The following LARGE1 variants were observed in gnomAD, a reference collection of about 807,000 sequenced individuals.
LARGE1 encodes LARGE xylosyl- and glucuronyltransferase 1.
LARGE1 carries 43 observed loss-of-function variants against 87.6 expected under a neutral mutation model. The ratio of observed to expected loss-of-function variants is 0.49; its 90% CI spans 0.38 to 0.63. The LOEUF is 0.63. Ranked by LOEUF, LARGE1 falls within the 30% of genes least tolerant of loss-of-function variation. LARGE1 has a pLI of 0.00. For missense variants in LARGE1, 802 were observed against 1,000.2 expected, an observed-to-expected ratio of 0.80 and a Z score of 2.67; for synonymous variants, 434 against 394.6, an observed-to-expected ratio of 1.10 and a Z score of -1.18.
chr22:33,752,819 C>G (rs1459821620), intron 2 of LARGE1, among the ~76,000 whole-genome samples: 1 of 152,212 alleles, frequency 6.6e-6, no homozygotes, highest in African/African-American at 2.4e-5. Context: ...ATCCCCATGG[C>G]CAATGAATAT....
In LARGE1 at chr22:33,607,321, C is replaced by T. The variant is rs140971483; in HGVS notation, c.492-2763G>A. Among the ~76,000 whole-genome samples, 1,368 of 151,994 alleles carry T rather than the reference C, an allele frequency of 9.0e-3. 21 individuals are homozygous for T. Among genetic ancestry groups the T allele is most frequent in the African/African-American group, 0.031 (1,272 of 41,452 alleles). ...TACTAAAAATACAAAATTAGCCAGG[C>T]GTGGTGGCAGATGCCTGTAATTCCA... On this transcript the variant is annotated intron_variant, in intron 4 of 14. Coordinates refer to ENST00000397394, the MANE Select transcript of LARGE1 (RefSeq NM_133642.5).
At chr22:33,921,276 G>A (rs1170969554), upstream of LARGE1, among the ~76,000 whole-genome samples, 16 of 152,294 alleles carry the variant, frequency 1.1e-4, no homozygotes, top group East Asian at 3.1e-3. The surrounding 1 kb of genome is among the most constrained non-coding windows in gnomAD (Gnocchi z 4.1). Context: ...CCCGGGCCGG[G>A]TCGGGATGAA....
At chr22:33,215,786 T>C (rs1041807777) in intron 11 of LARGE1, among the ~76,000 whole-genome samples, 1 of 152,134 alleles carries the variant, frequency 6.6e-6, no homozygotes, top group Non-Finnish European at 1.5e-5. Flanking sequence ...CGAAATCCCG[T>C]CTCTACTAAA....
chr22:33,285,857 G>C (rs1931434195), intron 12 of LARGE1, among the ~76,000 whole-genome samples: 1 of 152,170 alleles, frequency 6.6e-6, no homozygotes, highest in South Asian at 2.1e-4. Context: ...ATTGAATAAT[G>C]AGGGGGAACC....
intron 1 of LARGE1, among the ~76,000 whole-genome samples, chr22:33,883,733 GC>G (rs2064765697): frequency 4.6e-5 from 7 of 152,156 alleles, no homozygotes; most frequent in Admixed American, 4.6e-4. Context: ...TCCCCAGAAA[GC>G]CCCATGACTC....
intron 11 of LARGE1, among the ~76,000 whole-genome samples, chr22:33,224,136 G>A (rs1448881888): frequency 6.6e-6 from 1 of 152,108 alleles, no homozygotes; most frequent in Non-Finnish European, 1.5e-5. Flanking sequence ...CGTGGTGGTG[G>A]GCACCTGTTG....
chr22:33,312,779 C>T, intron 11 of LARGE1, among the ~76,000 whole-genome samples: 1 of 152,174 alleles, frequency 6.6e-6, no homozygotes, highest in Non-Finnish European at 1.5e-5. Flanking sequence ...GGGACAGATG[C>T]AGTTGAAAGA....
chr22:33,410,924 G>A lies in LARGE1; in HGVS notation c.892+21237C>T, dbSNP rs118129004. Among the ~76,000 whole-genome samples the A allele has an allele frequency of 7.2e-3, 1,093 of 152,268 alleles. 6 individuals are homozygous for A. The highest frequency in any genetic ancestry group is 0.014 in the Admixed American group (207 of 15,296). ...AGCAATTAGTACTGTGAACCTGAGA[G>A]GCCCCAGAGAAATCAAGTGCCTCTT... On this transcript the variant is annotated intron_variant, in intron 7 of 14. Coordinates refer to ENST00000397394, the MANE Select transcript of LARGE1 (RefSeq NM_133642.5).
At chr22:33,824,651 C>G (rs2062730200) in intron 1 of LARGE1, among the ~76,000 whole-genome samples, 1 of 151,912 alleles carries the variant, frequency 6.6e-6, no homozygotes, top group South Asian at 2.1e-4. Flanking sequence ...ATGACCCCCA[C>G]TCTACACACG....
At position 33,394,257 on chromosome 22, in the gene LARGE1, G is replaced by A. The variant is rs140041725; in HGVS notation, c.893-9953C>T. 2.6e-3 allele frequency among the ~76,000 whole-genome samples: 393 copies of A among 149,270 alleles called. 6 individuals carry two copies. In the South Asian group the frequency reaches 0.031, roughly 12 times the overall value. On this transcript the variant is annotated intron_variant, in intron 7 of 14. Coordinates refer to ENST00000397394, the MANE Select transcript of LARGE1 (RefSeq NM_133642.5). ...TCTGTCACCCAGGCTGTAGTGCAGT[G>A]GCACAATCTCGGCTCACTGCAACCT... is the stretch of plus-strand genomic sequence containing the variant.
At chr22:33,314,939 G>C (rs1935992253) in intron 11 of LARGE1, among the ~76,000 whole-genome samples, 1 of 152,186 alleles carries the variant, frequency 6.6e-6, no homozygotes, top group African/African-American at 2.4e-5. Flanking sequence ...GATAGGTGCA[G>C]GGGCTCACAC....
At chr22:33,376,247 A>G (rs1449679734) in intron 9 of LARGE1, among the ~76,000 whole-genome samples, 1 of 152,256 alleles carries the variant, frequency 6.6e-6, no homozygotes, top group Non-Finnish European at 1.5e-5. Flanking sequence ...TACACCTGTT[A>G]TTAGATGATA....
At chr22:33,348,263 T>TC (rs1939982561) in intron 9 of LARGE1, among the ~76,000 whole-genome samples, 2 of 120,662 alleles carry the variant, frequency 1.7e-5, no homozygotes, top group African/African-American at 3.2e-5. Context: ...TGAGACTCTG[T>TC]CCCCGCTCCC....
intron 11 of LARGE1, among the ~76,000 whole-genome samples, chr22:33,177,415 T>TAACA (rs1922935012): frequency 6.6e-6 from 1 of 152,214 alleles, no homozygotes; most frequent in Admixed American, 6.5e-5. Context: ...ATTATTCATT[T>TAACA]AACAAACATG....
chr22:33,122,884 G>A, the LARGE1 span, among the ~76,000 whole-genome samples: 1 of 152,140 alleles, frequency 6.6e-6, no homozygotes, highest in Non-Finnish European at 1.5e-5. Context: ...ACGGACACAG[G>A]TTTGATTTGA....
At chr22:33,203,589 G>A (rs554918411) in intron 11 of LARGE1, among the ~76,000 whole-genome samples, 1 of 152,286 alleles carries the variant, frequency 6.6e-6, no homozygotes, top group Admixed American at 6.5e-5. Flanking sequence ...TGTTTATAGT[G>A]AGGGGAGAGG....
At chr22:33,613,101 C>T (rs1020395848) in intron 4 of LARGE1, among the ~76,000 whole-genome samples, 10 of 152,112 alleles carry the variant, frequency 6.6e-5, no homozygotes, top group African/African-American at 2.4e-4. Flanking sequence ...ACACATGAGC[C>T]CCTCAGCCCA....
At chr22:33,115,594 A>G in the LARGE1 span, among the ~76,000 whole-genome samples, 5 of 151,844 alleles carry the variant, frequency 3.3e-5, no homozygotes, top group Admixed American at 6.6e-5. Context: ...AAGGCGGGGG[A>G]ATCACGAAGT....
At chr22:33,392,799 T>C (rs948946975) in intron 7 of LARGE1, among the ~76,000 whole-genome samples, 1 of 152,226 alleles carries the variant, frequency 6.6e-6, no homozygotes, top group Non-Finnish European at 1.5e-5. Flanking sequence ...ATAATTAATG[T>C]CCAAACCTAG....
Sources: allele counts gnomAD v4.1 joint callset (sites outside exome capture counted in the v4.1 genomes callset), GRCh38; gene constraint gnomAD v4.1.1; non-coding constraint Gnocchi (gnomAD v3.1); transcripts MANE v1.5; gene names NCBI Gene and HGNC (gene_info 2026-07-23, HGNC 2026-07-21).